The following FZR1 variants were observed in gnomAD, a reference collection of about 807,000 sequenced individuals.
The protein encoded by FZR1 is fizzy-related protein homolog.
A neutral mutation model predicts 63.6 loss-of-function variants in FZR1; 11 were observed. That is an observed-to-expected ratio of 0.17 (90% CI 0.11 to 0.29). FZR1 has a LOEUF of 0.29. Ranked by LOEUF, FZR1 falls within the 10% of genes least tolerant of loss-of-function variation. The pLI is 1.00. For missense variants in FZR1, 440 were observed against 687.5 expected (o/e 0.64, Z 4.03); for synonymous variants, 328 against 297.9 (o/e 1.10, Z -1.04).
chr19:3,515,274 CGTT>C lies in FZR1; in HGVS notation c.-34-7679_-34-7677del, dbSNP rs915977950. On this transcript the variant is annotated intron_variant, in intron 1 of 13. Coordinates refer to ENST00000441788, the MANE Select transcript of FZR1 (RefSeq NM_016263.4). This position sits in a 1 kb window ranked among gnomAD's most constrained non-coding sequence, Gnocchi z 4.6. ...CTGAGCCTTTCCACACGGCCACACACGTTGTCTGTGCTCAGGAATTACTTAACA... is the reference window on the plus strand; with the variant it reads ...CTGAGCCTTTCCACACGGCCACACACGTCTGTGCTCAGGAATTACTTAACA... Among the ~76,000 whole-genome samples the C allele has an allele frequency of 2.0e-5, 3 of 152,210 alleles. No individual in the cohort carries two copies. The highest frequency in any genetic ancestry group is 7.2e-5 in the African/African-American group (3 of 41,440).
chr19:3,528,520 TG>T (rs781144305), intron 7 of FZR1, among the ~76,000 whole-genome samples: 1 of 151,914 alleles, frequency 6.6e-6, no homozygotes, highest in Non-Finnish European at 1.5e-5. Flanking sequence ...CTCTCCCCTG[TG>T]TGTGTGTGTC....
chr19:3,522,793 G>T (rs1341026992), intron 1 of FZR1, among the ~76,000 whole-genome samples, 163 bp from the exon 2 acceptor site: 1 of 152,136 alleles, frequency 6.6e-6, no homozygotes, highest in Non-Finnish European at 1.5e-5. Flanking sequence ...GGTTGGGGGA[G>T]CCTCACCTAG....
At position 3,516,912 on chromosome 19, in the gene FZR1, G is replaced by A. The variant is rs1056698582; in HGVS notation, c.-34-6044G>A. On this transcript the variant is annotated intron_variant, in intron 1 of 13. Transcript: ENST00000441788. The surrounding 1 kb of genome is among the most constrained non-coding windows in gnomAD (Gnocchi z 6.0). The stretch of plus-strand genomic sequence containing the variant: ...TGGGCAGCGATGTGTGCCAGGGGCC[G>A]TGTGCAGCTGCAGCTGGCGCCCGGT... Among the ~76,000 whole-genome samples the A allele has an allele frequency of 1.3e-5, 2 of 152,252 alleles. No homozygotes were observed. Among genetic ancestry groups the A allele is most frequent in the African/African-American group, 2.4e-5 (1 of 41,474 alleles).
In FZR1 at chr19:3,534,951, G is replaced by A. The variant is rs565014967; in HGVS notation, c.*115G>A. ...TGTCCCCCGAGGAAGGCGGCTGGGC[G>A]GGCGGGGAGCTGGGCCTGGAGGATC... is the stretch of plus-strand genomic sequence containing the variant. On this transcript the variant is annotated 3_prime_UTR_variant, in exon 14 of 14. Transcript: ENST00000441788. 9.3e-5 allele frequency: 79 copies of A among 846,280 alleles called. 1 individual carries two copies. The East Asian group carries it at 1.3e-3, about 14-fold the overall frequency. 52.4% of individuals were successfully genotyped at this position (846,280 alleles called of 1,614,324 possible).
At chr19:3,530,682 G>C in intron 7 of FZR1, 110 bp from the exon 8 acceptor site, 1 of 757,964 alleles carries the variant, frequency 1.3e-6, no homozygotes, top group Non-Finnish European at 2.2e-6. Context: ...GAGATTGGAT[G>C]GGAGAGTGGA....
chr19:3,519,288 C>T (rs1344760766), intron 1 of FZR1, among the ~76,000 whole-genome samples: 3 of 152,252 alleles, frequency 2.0e-5, no homozygotes, highest in Non-Finnish European at 4.4e-5. Flanking sequence ...CAGGACCCTA[C>T]GCCCCTGGCA....
At chr19:3,508,628 G>C (rs1435105277) in intron 1 of FZR1, among the ~76,000 whole-genome samples, 1 of 152,202 alleles carries the variant, frequency 6.6e-6, no homozygotes, top group Non-Finnish European at 1.5e-5. Context: ...GTGTCATTTA[G>C]AGGGGAGAGG....
In FZR1 at chr19:3,537,037, C is replaced by T. The variant is rs1309266673; in HGVS notation, c.*2201C>T. 1 of 150,312 alleles carries T rather than the reference C, an allele frequency of 6.7e-6. No homozygotes were observed. Among genetic ancestry groups the T allele is most frequent in the Non-Finnish European group, 1.5e-5 (1 of 67,572 alleles). The allele number at this position is 150,312 out of a possible 1,614,324, so 9.3% of individuals were successfully genotyped here. A position where few individuals can be genotyped will look rare whatever the true frequency, so the allele number is the denominator to read the frequency against. On this transcript the variant is annotated 3_prime_UTR_variant, in exon 14 of 14. Coordinates refer to ENST00000441788, the MANE Select transcript of FZR1 (RefSeq NM_016263.4). Reference sequence around the variant, plus strand: ...TTCCAGGGAGGAGGTGCTCGGTTGACACCATCAGGGAGGGAGGGTGGGCAC... The same window carrying T: ...TTCCAGGGAGGAGGTGCTCGGTTGATACCATCAGGGAGGGAGGGTGGGCAC...
At chr19:3,509,840 C>T (rs184537845) in intron 1 of FZR1, among the ~76,000 whole-genome samples, 23 of 152,284 alleles carry the variant, frequency 1.5e-4, no homozygotes, top group African/African-American at 4.8e-4. Flanking sequence ...GGGTTTTGTG[C>T]GTCTCCTTAT....
chr19:3,512,076 G>C (rs1047288945), intron 1 of FZR1, among the ~76,000 whole-genome samples: 18 of 152,278 alleles, frequency 1.2e-4, no homozygotes, highest in Non-Finnish European at 2.4e-4. Flanking sequence ...CCTCCTCTCT[G>C]AGACTGATGG....
Position 3,525,807 on chromosome 19 carries a change from C to G in FZR1, c.70-61C>G. Reference sequence around the variant, plus strand: ...TGGCCAGAGGCTGAGAGAGGCTGGCCTGGGGGCACTCTCGGGGGGCTCTCG... The same window carrying G: ...TGGCCAGAGGCTGAGAGAGGCTGGCGTGGGGGCACTCTCGGGGGGCTCTCG... On this transcript the variant is annotated intron_variant, in intron 2 of 13. Coordinates refer to ENST00000441788, the MANE Select transcript of FZR1 (RefSeq NM_016263.4). The surrounding 1 kb of genome is among the most constrained non-coding windows in gnomAD (Gnocchi z 4.2). 6.3e-7 allele frequency: 1 copy of G among 1,581,718 alleles called. No individual in the cohort carries two copies. The highest frequency in any genetic ancestry group is 1.7e-5 in the Admixed American group (1 of 58,450).
At chr19:3,510,827 G>A (rs757107094) in intron 1 of FZR1, among the ~76,000 whole-genome samples, 2 of 152,328 alleles carry the variant, frequency 1.3e-5, no homozygotes, top group East Asian at 3.9e-4. Context: ...ACTGGGGGGC[G>A]CTCCTGGCAT....
intron 13 of FZR1, 126 bp from the exon 14 acceptor site, chr19:3,534,669 C>T (rs1693069255): frequency 1.1e-6 from 1 of 944,436 alleles, no homozygotes; most frequent in Non-Finnish European, 1.7e-6. Context: ...GGCAGTGTGG[C>T]AGGCCGAGGC....
chr19:3,531,315 C>T (rs2083244608), intron 8 of FZR1, among the ~76,000 whole-genome samples: 2 of 152,188 alleles, frequency 1.3e-5, no homozygotes, highest in Admixed American at 1.3e-4. Flanking sequence ...GGCGTGTGCG[C>T]TCACCCTCCC....
intron 1 of FZR1, among the ~76,000 whole-genome samples, chr19:3,510,886 G>A (rs935195443): frequency 6.6e-6 from 1 of 152,248 alleles, no homozygotes; most frequent in Non-Finnish European, 1.5e-5. Context: ...CAGAGCCCAG[G>A]ACTCCCCGCC....
intron 2 of FZR1, among the ~76,000 whole-genome samples, chr19:3,524,902 A>G (rs1011183609): frequency 6.6e-6 from 1 of 152,098 alleles, no homozygotes; most frequent in Non-Finnish European, 1.5e-5. Context: ...TCTTGAGTAT[A>G]ATCACATCTG....
Position 3,514,471 on chromosome 19 carries a change from C to T in FZR1, c.-35+7997C>T, listed in dbSNP as rs967297901. Among the ~76,000 whole-genome samples, 1 of 152,270 alleles carries T rather than the reference C, an allele frequency of 6.6e-6. No homozygotes were observed. Among genetic ancestry groups the T allele is most frequent in the East Asian group, 1.9e-4 (1 of 5,170 alleles). On this transcript the variant is annotated intron_variant, in intron 1 of 13. Transcript: ENST00000441788. The surrounding 1 kb of genome is among the most constrained non-coding windows in gnomAD (Gnocchi z 4.2). ...TCCACCCACTCCACGCCAGGGGCAC[C>T]CCCAGTCATGACAACCACAGATGTC...
At position 3,533,569 on chromosome 19, in the gene FZR1, C is replaced by T. The variant is rs537110144; in HGVS notation, c.1347+171C>T. The T allele has an allele frequency of 1.8e-5, 11 of 595,262 alleles. No homozygotes were observed. The highest frequency in any genetic ancestry group is 1.4e-4 in the South Asian group (7 of 50,750). The allele number at this position is 595,262 out of a possible 1,614,324, so 36.9% of individuals were successfully genotyped here. On this transcript the variant is annotated intron_variant, in intron 12 of 13. Coordinates refer to ENST00000441788, the MANE Select transcript of FZR1 (RefSeq NM_016263.4). This position sits in a 1 kb window ranked among gnomAD's most constrained non-coding sequence, Gnocchi z 4.9. Reference sequence around the variant, plus strand: ...CATCTGGTGCTGGTTGTGTTGCCAGCGTTGGAATGGGCTCTACCGAACTCC... The same window carrying T: ...CATCTGGTGCTGGTTGTGTTGCCAGTGTTGGAATGGGCTCTACCGAACTCC...
chr19:3,534,947 G>A lies in FZR1; in HGVS notation c.*111G>A. ...CGCTTGTCCCCCGAGGAAGGCGGCT[G>A]GGCGGGCGGGGAGCTGGGCCTGGAG... On this transcript the variant is annotated 3_prime_UTR_variant, in exon 14 of 14. Transcript: ENST00000441788. 2 of 859,564 alleles carry A rather than the reference G, an allele frequency of 2.3e-6. No homozygotes were observed. Among genetic ancestry groups the A allele is most frequent in the South Asian group, 1.4e-5 (1 of 73,740 alleles). The allele number at this position is 859,564 out of a possible 1,614,324, so 53.2% of individuals were successfully genotyped here.
Sources: gnomAD v4.1 joint callset for allele counts (sites outside exome capture counted in the v4.1 genomes callset) on GRCh38, gnomAD v4.1.1 for gene constraint, Gnocchi (gnomAD v3.1) non-coding constraint, MANE v1.5 for transcripts, NCBI Gene and HGNC (gene_info 2026-07-23, HGNC 2026-07-21) for gene names.